Variants in SPATS2 observed in about 807,000 individuals in gnomAD.
SPATS2 encodes the protein spermatogenesis associated serine rich 2.
In SPATS2, 38 loss-of-function variants were observed where a neutral mutation model predicts 63.7. That is an observed-to-expected ratio of 0.60 (90% CI 0.46 to 0.78). SPATS2 has a LOEUF of 0.78. SPATS2 is among the 30% of genes least tolerant of loss of function. The pLI, the probability that SPATS2 is intolerant of heterozygous loss-of-function variation, is 0.00. For missense variants in SPATS2, 588 were observed against 666.2 expected (o/e 0.88, Z 1.29); for synonymous variants, 207 against 232.9 (o/e 0.89, Z 1.01).
chr12:49,368,320 A>G (rs895677845), intron 1 of SPATS2, among the ~76,000 whole-genome samples: 15 of 152,194 alleles, frequency 9.9e-5, no homozygotes, highest in African/African-American at 3.6e-4. Flanking sequence ...TGCCTGTGAT[A>G]TTTACTTCCC....
intron 2 of SPATS2, among the ~76,000 whole-genome samples, chr12:49,435,212 A>T (rs575475694): frequency 2.0e-5 from 3 of 151,428 alleles, no homozygotes; most frequent in African/African-American, 7.3e-5. Context: ...TTGTATTTTT[A>T]GTAGAGGCGG....
chr12:49,501,507 C>T (rs921817680), intron 9 of SPATS2, among the ~76,000 whole-genome samples: 1 of 152,200 alleles, frequency 6.6e-6, no homozygotes, highest in Non-Finnish European at 1.5e-5. Context: ...TTCCAACACA[C>T]GAGCTTTGGG....
intron 2 of SPATS2, among the ~76,000 whole-genome samples, chr12:49,399,087 AT>A (rs1944561658): frequency 6.6e-6 from 1 of 151,068 alleles, no homozygotes; most frequent in Admixed American, 6.6e-5. Context: ...TGACCCCTGC[AT>A]TTCCCCCATG....
At chr12:49,518,316 C>CT (rs1427258250) in intron 10 of SPATS2, among the ~76,000 whole-genome samples, 1 of 152,140 alleles carries the variant, frequency 6.6e-6, no homozygotes, top group Non-Finnish European at 1.5e-5. Flanking sequence ...ACTGTAGCCC[C>CT]TGTCTCTCTG....
chr12:49,491,266 C>T (rs564256690), intron 6 of SPATS2: 7 of 152,414 alleles, frequency 4.6e-5, no homozygotes, highest in Admixed American at 1.3e-4. Context: ...AGTTATTAGA[C>T]GGGTGAAAAA....
intron 2 of SPATS2, among the ~76,000 whole-genome samples, chr12:49,412,289 G>T (rs936388182): frequency 6.6e-6 from 1 of 151,874 alleles, no homozygotes; most frequent in Non-Finnish European, 1.5e-5. Context: ...CTGCCTCCTG[G>T]GTTCAAGCGA....
chr12:49,477,374 G>C (rs899564454), intron 3 of SPATS2, among the ~76,000 whole-genome samples: 26 of 152,178 alleles, frequency 1.7e-4, no homozygotes, highest in Non-Finnish European at 7.3e-5. Context: ...ACTCAAAGGA[G>C]CAAAGTAAGG....
chr12:49,398,892 C>CT (rs1041784310), intron 2 of SPATS2, among the ~76,000 whole-genome samples: 1 of 152,144 alleles, frequency 6.6e-6, no homozygotes, highest in Non-Finnish European at 1.5e-5. Context: ...TTGAAAAGGT[C>CT]TATTTCTGTA....
At chr12:49,415,436 CT>C (rs1565710607) in intron 2 of SPATS2, among the ~76,000 whole-genome samples, 1 of 152,152 alleles carries the variant, frequency 6.6e-6, no homozygotes, top group Non-Finnish European at 1.5e-5. Context: ...CTCATTGCTC[CT>C]TATATTCTAT....
chr12:49,439,018 A>G (rs184967650), intron 2 of SPATS2, among the ~76,000 whole-genome samples: 1 of 152,380 alleles, frequency 6.6e-6, no homozygotes, highest in Admixed American at 6.5e-5. Flanking sequence ...AAAAAAATGT[A>G]GAAAAACACA....
chr12:49,486,148 TCTTAC>T, intron 4 of SPATS2: 1 of 436,238 alleles, frequency 2.3e-6, no homozygotes, highest in Non-Finnish European at 4.5e-6. Context: ...GTTATCAGAA[TCTTAC>T]CTTTATCGTA....
chr12:49,487,754 C>T lies in SPATS2; in HGVS notation c.106-1711C>T, dbSNP rs112161807. Reference sequence around the variant, plus strand: ...CTGGGACCACAGGCATGTGCCACCACATCCGGCTAATTTTATTTTTTGTAG... The same window carrying T: ...CTGGGACCACAGGCATGTGCCACCATATCCGGCTAATTTTATTTTTTGTAG... On this transcript the variant is annotated intron_variant, in intron 4 of 13. Transcript: ENST00000552918. Among the ~76,000 whole-genome samples, 1,134 of 152,110 alleles carry T rather than the reference C, an allele frequency of 7.5e-3. 10 individuals are homozygous for T. Among genetic ancestry groups the T allele is most frequent in the African/African-American group, 0.026 (1,067 of 41,476 alleles).
At chr12:49,486,741 A>G (rs913345034) in intron 4 of SPATS2, among the ~76,000 whole-genome samples, 1 of 151,050 alleles carries the variant, frequency 6.6e-6, no homozygotes, top group Non-Finnish European at 1.5e-5. Context: ...AGATTGTGCC[A>G]CTGCACTCCA....
chr12:49,435,926 A>G (rs1945273163), intron 2 of SPATS2, among the ~76,000 whole-genome samples: 1 of 150,356 alleles, frequency 6.7e-6, no homozygotes, highest in African/African-American at 2.5e-5. Context: ...CTGAGTGGAC[A>G]CAGCACATGT....
At chr12:49,389,327 A>G (rs1398876007) in intron 2 of SPATS2, among the ~76,000 whole-genome samples, 1 of 152,140 alleles carries the variant, frequency 6.6e-6, no homozygotes, top group Non-Finnish European at 1.5e-5. Flanking sequence ...TGGTGGGGCT[A>G]AACGCTACTG....
In SPATS2 at chr12:49,516,193, AT is replaced by A. The variant is rs1565760926; in HGVS notation, c.898+1581del. Among the ~76,000 whole-genome samples the A allele has an allele frequency of 2.3e-3, 247 of 106,644 alleles. 16 individuals are homozygous for A. The highest frequency in any genetic ancestry group is 4.3e-3 in the African/African-American group (123 of 28,702). The allele number at this position is 106,644 out of a possible 152,430, so 70.0% of individuals were successfully genotyped here. A position where few individuals can be genotyped will look rare whatever the true frequency, so the allele number is the denominator to read the frequency against. The stretch of plus-strand genomic sequence containing the variant: ...TATATATATATATATATATATATAT[AT>A]ATATATATATATATAAATCAGGCAT... On this transcript the variant is annotated intron_variant, in intron 10 of 13. Coordinates refer to ENST00000552918, the MANE Select transcript of SPATS2 (RefSeq NM_023071.4).
At chr12:49,520,305 A>G (rs1448523081) in intron 11 of SPATS2, among the ~76,000 whole-genome samples, 2 of 151,858 alleles carry the variant, frequency 1.3e-5, no homozygotes, top group African/African-American at 4.8e-5. Context: ...TTTAGTAGAG[A>G]TGGGGTTTCA....
At chr12:49,444,139 A>G (rs1234269904) in intron 2 of SPATS2, among the ~76,000 whole-genome samples, 1 of 151,600 alleles carries the variant, frequency 6.6e-6, no homozygotes, top group Non-Finnish European at 1.5e-5. Context: ...CTTTCTCTCA[A>G]CTATGTTTTC....
At chr12:49,491,764 A>G (rs1400787628) in intron 6 of SPATS2, among the ~76,000 whole-genome samples, 3 of 152,202 alleles carry the variant, frequency 2.0e-5, no homozygotes, top group African/African-American at 4.8e-5. Context: ...AACGCCTAAC[A>G]TATTAGTTCT....
Sources: allele counts gnomAD v4.1 joint callset (sites outside exome capture counted in the v4.1 genomes callset), GRCh38; gene constraint gnomAD v4.1.1; transcripts MANE v1.5; gene names NCBI Gene and HGNC (gene_info 2026-07-23, HGNC 2026-07-21).